The following TCF20 variants were observed in gnomAD, a reference collection of about 807,000 sequenced individuals.
TCF20 encodes the protein transcription factor 20, also known as SPRE-binding protein.
A neutral mutation model predicts 148.6 loss-of-function variants in TCF20; 3 were observed. The observed-to-expected ratio is 0.02, with a 90% confidence interval of 0.01 to 0.05. The LOEUF (loss-of-function observed/expected upper bound fraction) is 0.05, where lower values mean the gene tolerates loss of function less well. Ranked by LOEUF, TCF20 falls within the 10% of genes least tolerant of loss-of-function variation. TCF20 has a pLI of 1.00. For synonymous variants in TCF20, 1,049 were observed against 909.5 expected, an observed-to-expected ratio of 1.15 and a Z score of -2.76; for missense variants, 2,350 against 2,429.3, an observed-to-expected ratio of 0.97 and a Z score of 0.69.
In TCF20 at chr22:42,218,898, G is replaced by GA. The variant is rs58095233; in HGVS notation, c.-36-3558dup. 8.7e-4 allele frequency among the ~76,000 whole-genome samples: 123 copies of GA among 141,338 alleles called. 1 individual carries two copies. Among genetic ancestry groups the GA allele is most frequent in the South Asian group, 2.7e-3 (12 of 4,476 alleles). 92.7% of individuals were successfully genotyped at this position (141,338 alleles called of 152,430 possible). A position where few individuals can be genotyped will look rare whatever the true frequency, so the allele number is the denominator to read the frequency against. On this transcript the variant is annotated intron_variant, in intron 1 of 5. Coordinates refer to ENST00000677622, the MANE Select transcript of TCF20 (RefSeq NM_001378418.1). ...TGTTATGGTTCTACTTTATGAAAAA[G>GA]AAAAAAAAAAAATCCAAGGCCAAAT... is the stretch of plus-strand genomic sequence containing the variant.
intron 1 of TCF20, among the ~76,000 whole-genome samples, chr22:42,291,584 T>C (rs17002946): frequency 1.3e-5 from 2 of 152,084 alleles, no homozygotes; most frequent in East Asian, 1.9e-4. Context: ...AGAGAGCAGT[T>C]TTCCTGATGG....
intron 5 of TCF20, 45 bp from the exon 6 acceptor site, chr22:42,161,403 G>C: frequency 1.9e-6 from 3 of 1,613,444 alleles, no homozygotes; most frequent in Non-Finnish European, 1.7e-6. Context: ...GCCTCCACAG[G>C]GTCCACCACC....
At chr22:42,216,079 CTTTTTTTTTTTT>C (rs759118027) in intron 1 of TCF20, among the ~76,000 whole-genome samples, 34 of 50,570 alleles carry the variant, frequency 6.7e-4, no homozygotes, top group East Asian at 1.3e-3. Context: ...AAACCAAATC[CTTTTTTTTTTTT>C]TTTTTTTTTT....
chr22:42,196,751 C>T (rs973626228), intron 2 of TCF20, among the ~76,000 whole-genome samples: 1 of 149,826 alleles, frequency 6.7e-6, no homozygotes, highest in African/African-American at 2.5e-5. Context: ...ACTAGCTGCT[C>T]CGTGAGAAAC....
chr22:42,161,626 C>T (rs1277128290), intron 5 of TCF20, among the ~76,000 whole-genome samples: 1 of 152,220 alleles, frequency 6.6e-6, no homozygotes, highest in Non-Finnish European at 1.5e-5. Flanking sequence ...GTCTGCCTTC[C>T]TAGTGCATAA....
chr22:42,300,636 G>A (rs1367920241), intron 1 of TCF20, among the ~76,000 whole-genome samples: 2 of 152,184 alleles, frequency 1.3e-5, no homozygotes, highest in Non-Finnish European at 2.9e-5. Flanking sequence ...AGCAGCCCAA[G>A]GGGCAGGGCT....
intron 1 of TCF20, among the ~76,000 whole-genome samples, chr22:42,241,502 G>GT (rs1379982799): frequency 6.6e-6 from 1 of 152,222 alleles, no homozygotes; most frequent in Non-Finnish European, 1.5e-5. Context: ...TAAGATATTG[G>GT]TAAGAACTAT....
intron 1 of TCF20, among the ~76,000 whole-genome samples, chr22:42,336,169 C>T (rs1383205247): frequency 6.6e-6 from 1 of 152,198 alleles, no homozygotes; most frequent in Non-Finnish European, 1.5e-5. Context: ...CTTACACGCT[C>T]CAGCCGGGAT....
intron 1 of TCF20, among the ~76,000 whole-genome samples, chr22:42,307,744 G>C (rs539241531): frequency 6.6e-6 from 1 of 152,252 alleles, no homozygotes; most frequent in South Asian, 2.1e-4. Context: ...CACACCCCTT[G>C]GGCTACATGT....
chr22:42,191,753 T>C (rs142696735), intron 2 of TCF20, among the ~76,000 whole-genome samples: 7 of 152,268 alleles, frequency 4.6e-5, no homozygotes, highest in African/African-American at 1.7e-4. Context: ...CTTTAAGAAA[T>C]TAGAAAGGAA....
At chr22:42,189,161 A>G (rs890604974) in intron 2 of TCF20, among the ~76,000 whole-genome samples, 6 of 152,170 alleles carry the variant, frequency 3.9e-5, no homozygotes, top group African/African-American at 1.2e-4. Flanking sequence ...ATGATATGGA[A>G]GAGTTTGGGT....
chr22:42,207,946 T>C (rs1483574851), intron 2 of TCF20, among the ~76,000 whole-genome samples: 2 of 152,210 alleles, frequency 1.3e-5, no homozygotes, highest in Non-Finnish European at 2.9e-5. Context: ...TCCAGCACTT[T>C]GGAAGGCTGA....
chr22:42,211,839 C>A lies in TCF20; in HGVS notation c.3467G>T (p.Ser1156Ile), dbSNP rs147237834. The change falls in exon 2 of 6, where the codon AGT (serine) becomes ATT (isoleucine). Residue 1156 changes from serine to isoleucine, a missense_variant. By Grantham distance (142) the Ser-to-Ile change is moderately radical. This residue lies in a region of TCF20 where 1,641 missense variants were observed against 1,662.6 expected (regional missense o/e 0.99). Coordinates refer to ENST00000677622, the MANE Select transcript of TCF20 (RefSeq NM_001378418.1). ...GPPVGTYHDP[S>I]AQEAGRCLMS... Reference sequence around the variant, plus strand: ...TAGGCAGCGCCCAGCCTCCTGGGCACTGGGGTCATGGTAAGTCCCCACTGG... The same window carrying A: ...TAGGCAGCGCCCAGCCTCCTGGGCAATGGGGTCATGGTAAGTCCCCACTGG... The A allele has an allele frequency of 6.2e-7, 1 of 1,614,192 alleles. No homozygotes were observed. Among genetic ancestry groups the A allele is most frequent in the African/African-American group, 1.3e-5 (1 of 75,030 alleles).
Position 42,322,201 on chromosome 22 carries a change from TAA to T in TCF20, c.-37+21276_-37+21277del, listed in dbSNP as rs1927745092. Among the ~76,000 whole-genome samples the T allele has an allele frequency of 2.0e-5, 3 of 151,816 alleles. No homozygotes were observed. The South Asian group carries it at 6.2e-4, about 31-fold the overall frequency. On this transcript the variant is annotated intron_variant, in intron 1 of 1. Transcript: ENST00000515426. ...AGTGGCACTTAAGGGAGGCAGAGAA[TAA>T]AGAGTTCATTCATTCGTTCACTCGG...
intron 1 of TCF20, among the ~76,000 whole-genome samples, chr22:42,307,856 G>C (rs1927462615): frequency 6.6e-6 from 1 of 152,210 alleles, no homozygotes; most frequent in Non-Finnish European, 1.5e-5. Context: ...CTGAGCTCCA[G>C]CTTGGACGGC....
chr22:42,235,125 G>C (rs1923764640), intron 1 of TCF20, among the ~76,000 whole-genome samples: 1 of 136,078 alleles, frequency 7.3e-6, no homozygotes, highest in Non-Finnish European at 1.5e-5. Context: ...CTGGCCAACA[G>C]AATGAGACTC....
chr22:42,245,727 AC>A (rs1924848657), intron 1 of TCF20, among the ~76,000 whole-genome samples: 1 of 152,122 alleles, frequency 6.6e-6, no homozygotes, highest in Non-Finnish European at 1.5e-5. Flanking sequence ...GGTAGAATTA[AC>A]CAATGTTTTC....
At chr22:42,295,821 G>A (rs942226736) in intron 1 of TCF20, among the ~76,000 whole-genome samples, 5 of 152,040 alleles carry the variant, frequency 3.3e-5, no homozygotes, top group African/African-American at 1.2e-4. Flanking sequence ...AGCCTTCCTT[G>A]AACTCCCCAC....
upstream of TCF20, among the ~76,000 whole-genome samples, chr22:42,270,727 CGGCGG>C (rs1371664115): frequency 7.7e-6 from 1 of 130,100 alleles, no homozygotes; most frequent in African/African-American, 2.8e-5. Context: ...GGAGGGCGCG[CGGCGG>C]GGCGGGGCGC....
Sources: gnomAD v4.1 joint callset for allele counts (sites outside exome capture counted in the v4.1 genomes callset) on GRCh38, gnomAD v4.1.1 for gene constraint, gnomAD v4.1.1 regional missense constraint, MANE v1.5 for transcripts, NCBI Gene and HGNC (gene_info 2026-07-23, HGNC 2026-07-21) for gene names.